CDH23: variants seen among roughly 807,000 people sequenced by gnomAD.
The protein encoded by CDH23 is cadherin-23.
In CDH23, 189 loss-of-function variants were observed where a neutral mutation model predicts 317.1. The observed-to-expected ratio is 0.60, with a 90% confidence interval of 0.53 to 0.67. The LOEUF (loss-of-function observed/expected upper bound fraction) is 0.67. Among genes scored for constraint, CDH23 ranks in the 30% least tolerant of loss-of-function variants. CDH23 has a pLI of 0.00. For missense variants in CDH23, 4,401 were observed against 4,592.4 expected (o/e 0.96, Z 1.20); for synonymous variants, 1,839 against 1,876.8 (o/e 0.98, Z 0.52).
At chr10:71,717,728 C>A (rs1357520501) in intron 28 of CDH23, 1 of 152,212 alleles carries the variant, frequency 6.6e-6, no homozygotes, top group Non-Finnish European at 1.5e-5. Context: ...GGAGTGCAGG[C>A]CCAGTGTGGT....
Position 71,423,430 on chromosome 10 carries a change from G to T in CDH23, c.-5-16397G>T, listed in dbSNP as rs570923595. On this transcript the variant is annotated intron_variant, in intron 1 of 69. Transcript: ENST00000224721. ...GAGGCTGGATTTGAAACCACTCCCTGCTGCAGGCTCTGGGCAAGTCCATTG... is the reference window on the plus strand; with the variant it reads ...GAGGCTGGATTTGAAACCACTCCCTTCTGCAGGCTCTGGGCAAGTCCATTG... Among the ~76,000 whole-genome samples, 19 of 152,346 alleles carry T rather than the reference G, an allele frequency of 1.2e-4. No individual in the cohort carries two copies. The South Asian group carries it at 1.7e-3, about 13-fold the overall frequency.
chr10:71,548,539 G>T (rs1197546455), intron 6 of CDH23, among the ~76,000 whole-genome samples: 1 of 152,186 alleles, frequency 6.6e-6, no homozygotes, highest in Non-Finnish European at 1.5e-5. Flanking sequence ...CCAACTTGGG[G>T]AACCAGGAGG....
At chr10:71,576,499 A>G (rs7075435) in intron 8 of CDH23, among the ~76,000 whole-genome samples, 94,378 of 151,654 alleles carry the variant, frequency 0.62, 29,733 homozygotes, top group East Asian at 0.82. Flanking sequence ...GCACAGGTGA[A>G]GGGGGTGGGG....
At chr10:71,531,636 G>A (rs1224408605) in intron 6 of CDH23, among the ~76,000 whole-genome samples, 3 of 152,042 alleles carry the variant, frequency 2.0e-5, no homozygotes, top group Non-Finnish European at 4.4e-5. Context: ...GCCAGGCTGG[G>A]TAGGGAGGGG....
intron 26 of CDH23, among the ~76,000 whole-genome samples, chr10:71,707,814 C>T (rs548550246): frequency 6.6e-6 from 1 of 152,278 alleles, no homozygotes; most frequent in East Asian, 1.9e-4. Context: ...ACACATGTTG[C>T]CTCTGCATAT....
At chr10:71,739,364 G>A (rs1233625102) in intron 35 of CDH23, among the ~76,000 whole-genome samples, 1 of 152,140 alleles carries the variant, frequency 6.6e-6, no homozygotes, top group African/African-American at 2.4e-5. Context: ...TCTACCCTGG[G>A]AAGACGTCAG....
intron 2 of CDH23, among the ~76,000 whole-genome samples, chr10:71,442,506 C>A (rs570706695): frequency 3.3e-4 from 50 of 152,340 alleles, no homozygotes; most frequent in Admixed American, 1.4e-3. Context: ...TCTCTACCCC[C>A]CTACCTGGTA....
At chr10:71,536,688 C>A (rs1855721517) in intron 6 of CDH23, among the ~76,000 whole-genome samples, 1 of 152,132 alleles carries the variant, frequency 6.6e-6, no homozygotes, top group South Asian at 2.1e-4. Context: ...GCATAGTCCC[C>A]TGTCCCATCC....
intron 18 of CDH23, among the ~76,000 whole-genome samples, chr10:71,683,751 A>G (rs1479105649): frequency 6.6e-6 from 1 of 152,094 alleles, no homozygotes; most frequent in Non-Finnish European, 1.5e-5. Flanking sequence ...CTCAGACTTC[A>G]GGGAGTGTTG....
intron 1 of CDH23, among the ~76,000 whole-genome samples, chr10:71,398,075 T>A (rs1356797145): frequency 6.6e-6 from 1 of 152,086 alleles, no homozygotes. Context: ...AGAGCCCGCG[T>A]GTTCCAAGGC....
At chr10:71,666,819 C>T (rs1379220646) in intron 14 of CDH23, among the ~76,000 whole-genome samples, 2 of 152,168 alleles carry the variant, frequency 1.3e-5, no homozygotes, top group Admixed American at 6.5e-5. Context: ...ACTCCAACCC[C>T]CCAGAGCTTA....
intron 9 of CDH23, among the ~76,000 whole-genome samples, chr10:71,608,119 G>T (rs1860637801): frequency 6.6e-6 from 1 of 152,178 alleles, no homozygotes; most frequent in Non-Finnish European, 1.5e-5. Flanking sequence ...TCTCACAACT[G>T]GTAAGTGATG....
At chr10:71,503,413 A>G (rs1853448525) in intron 3 of CDH23, among the ~76,000 whole-genome samples, 1 of 152,220 alleles carries the variant, frequency 6.6e-6, no homozygotes, top group Non-Finnish European at 1.5e-5. Flanking sequence ...TTAACTTGCT[A>G]TACTCTCTCT....
chr10:71,754,633 C>G (rs560831894), intron 38 of CDH23, among the ~76,000 whole-genome samples: 1 of 152,322 alleles, frequency 6.6e-6, no homozygotes, highest in East Asian at 1.9e-4. Flanking sequence ...CCAGCCCCAC[C>G]ACTTATTTGC....
At chr10:71,495,829 A>G in intron 3 of CDH23, among the ~76,000 whole-genome samples, 1 of 150,486 alleles carries the variant, frequency 6.6e-6, no homozygotes, top group South Asian at 2.1e-4. Context: ...AAAAAGAAAG[A>G]AAGAAAGAAA....
At chr10:71,532,711 G>GTTTTTTTTTTTGTTTGTTTTTTT (rs1855453031) in intron 6 of CDH23, among the ~76,000 whole-genome samples, 2 of 128,100 alleles carry the variant, frequency 1.6e-5, no homozygotes, top group African/African-American at 5.7e-5. Context: ...TTTTGTTTTT[G>GTTTTTTTTTTTGTTTGTTTTTTT]TTTTTTTTTT....
At position 71,403,318 on chromosome 10, in the gene CDH23, C is replaced by T. The variant is rs974319005; in HGVS notation, c.-6+6000C>T. On this transcript the variant is annotated intron_variant, in intron 1 of 69. Coordinates refer to ENST00000224721, the MANE Select transcript of CDH23 (RefSeq NM_022124.6). Reference sequence around the variant, plus strand: ...TGCTTGCTTTCTCTTTCTCTTTCTTCCTTCCTTCCTTTCTTTCTTTCTTTC... The same window carrying T: ...TGCTTGCTTTCTCTTTCTCTTTCTTTCTTCCTTCCTTTCTTTCTTTCTTTC... Among the ~76,000 whole-genome samples, 285 of 91,202 alleles carry T rather than the reference C, an allele frequency of 3.1e-3. 4 individuals are homozygous for T. Among genetic ancestry groups the T allele is most frequent in the African/African-American group, 0.028 (263 of 9,256 alleles). 59.8% of individuals were successfully genotyped at this position (91,202 alleles called of 152,430 possible).
chr10:71,480,988 T>G (rs970952705), intron 3 of CDH23, among the ~76,000 whole-genome samples: 2 of 152,064 alleles, frequency 1.3e-5, no homozygotes, highest in Admixed American at 6.5e-5. Flanking sequence ...TTGCTGGCTT[T>G]GGGTATCCAA....
chr10:71,535,221 C>T (rs1040402380), intron 6 of CDH23, among the ~76,000 whole-genome samples: 5 of 152,240 alleles, frequency 3.3e-5, no homozygotes, highest in Non-Finnish European at 5.9e-5. Context: ...CTTGTAACCT[C>T]TGGGTAAGCC....
Sources: gnomAD v4.1 joint callset for allele counts (sites outside exome capture counted in the v4.1 genomes callset) on GRCh38, gnomAD v4.1.1 for gene constraint, MANE v1.5 for transcripts, NCBI Gene and HGNC (gene_info 2026-07-23, HGNC 2026-07-21) for gene names.